PHKG2: variants seen among roughly 807,000 people sequenced by gnomAD.
The protein encoded by PHKG2 is phosphorylase kinase catalytic subunit gamma 2.
In PHKG2, 28 loss-of-function variants were observed where a neutral mutation model predicts 44.5. That is an observed-to-expected ratio of 0.63 (90% CI 0.47 to 0.86). PHKG2 has a LOEUF of 0.86. Ranked by LOEUF, PHKG2 falls within the 40% of genes least tolerant of loss-of-function variation. The probability of loss-of-function intolerance (pLI) is 0.00; values close to 1 mark genes in which losing one functional copy is unlikely to be tolerated. For synonymous variants in PHKG2, 220 were observed against 211.2 expected (o/e 1.04, Z -0.36); for missense variants, 498 against 547.5 (o/e 0.91, Z 0.90).
chr16:30,753,565 G>T lies in PHKG2; in HGVS notation c.556+8G>T, dbSNP rs762002537. ...CTGGCGAGAAGCTTCGAGGTGAGGG[G>T]ATCTAGTGCCCTAATAGGCTTGGGA... is the stretch of plus-strand genomic sequence containing the variant. On this transcript the variant is annotated splice_region_variant and intron_variant, in intron 6 of 9. Coordinates refer to ENST00000563588, the MANE Select transcript of PHKG2 (RefSeq NM_000294.3). 1 of 1,613,742 alleles carries T rather than the reference G, an allele frequency of 6.2e-7. No individual in the cohort carries two copies. The highest frequency in any genetic ancestry group is 1.3e-5 in the African/African-American group (1 of 75,034).
At position 30,760,617 on chromosome 16, in the gene PHKG2, A is replaced by G; in HGVS notation, c.*3520A>G. The G allele has an allele frequency of 1.9e-6, 3 of 1,557,672 alleles. No homozygotes were observed. The highest frequency in any genetic ancestry group is 2.4e-5 in the East Asian group (1 of 41,444). On this transcript the variant is annotated 3_prime_UTR_variant, in exon 10 of 10. Transcript: ENST00000563588. ...CCCTCAGTCCCTACTCCCTCATCTCAGCATTGGTGGTCTTCTCCAGCTGGT... is the reference window on the plus strand; with the variant it reads ...CCCTCAGTCCCTACTCCCTCATCTCGGCATTGGTGGTCTTCTCCAGCTGGT...
intron 6 of PHKG2, chr16:30,754,940 T>G: frequency 2.2e-6 from 1 of 454,594 alleles, no homozygotes; most frequent in Non-Finnish European, 4.4e-6. Context: ...AACTTGGCAT[T>G]CAAGAAATAC....
chr16:30,752,989 ATT>A, intron 4 of PHKG2: 1 of 573,314 alleles, frequency 1.7e-6, no homozygotes, highest in East Asian at 3.0e-5. Flanking sequence ...TATAAATTAT[ATT>A]GTCACAAGAA....
At position 30,757,662 on chromosome 16, in the gene PHKG2, G is replaced by C; in HGVS notation, c.*565G>C. 6.2e-7 allele frequency: 1 copy of C among 1,607,160 alleles called. No homozygotes were observed. The highest frequency in any genetic ancestry group is 8.5e-7 in the Non-Finnish European group (1 of 1,175,354). ...GGAGGACGTGGATGTGGCCTGCAGG[G>C]GCAGGGAAGAAGGGGCAGGGTGAGG... is the stretch of plus-strand genomic sequence containing the variant. On this transcript the variant is annotated 3_prime_UTR_variant, in exon 10 of 10. Coordinates refer to ENST00000563588, the MANE Select transcript of PHKG2 (RefSeq NM_000294.3).
Position 30,753,298 on chromosome 16 carries a change from G to C in PHKG2, c.392+1G>C. 6.2e-7 allele frequency: 1 copy of C among 1,614,038 alleles called. No individual in the cohort carries two copies. Among genetic ancestry groups the C allele is most frequent in the Non-Finnish European group, 8.5e-7 (1 of 1,179,954 alleles). ...TGGCCCTCTCTGAAAAGGAAACCAG[G>C]TAAGGGTTGAGCCTGAAGCCCCAGG... On this transcript the variant is annotated splice_donor_variant, in intron 5 of 9. Transcript: ENST00000563588. LOFTEE classifies it high-confidence loss of function.
chr16:30,761,141 T>G lies in PHKG2; in HGVS notation c.*4044T>G. 1 of 1,591,174 alleles carries G rather than the reference T, an allele frequency of 6.3e-7. No individual in the cohort carries two copies. The highest frequency in any genetic ancestry group is 8.6e-7 in the Non-Finnish European group (1 of 1,162,352). ...ATGCCCTGGCCACAGACAGGACTGTTGGGGAGACAATAAAGAACGCAAATA... is the reference window on the plus strand; with the variant it reads ...ATGCCCTGGCCACAGACAGGACTGTGGGGGAGACAATAAAGAACGCAAATA... On this transcript the variant is annotated 3_prime_UTR_variant, in exon 10 of 10. Transcript: ENST00000563588.
At position 30,756,722 on chromosome 16, in the gene PHKG2, C is replaced by T; in HGVS notation, c.927+7C>T. On this transcript the variant is annotated splice_region_variant and intron_variant, in intron 9 of 9. Transcript: ENST00000563588. ...CCCCCGCCAGCGGTTCCGGGTAAGC[C>T]TGAGTGTATCAGGGTCTGGGCCCGT... The T allele has an allele frequency of 1.2e-6, 2 of 1,614,116 alleles. No homozygotes were observed. Among genetic ancestry groups the T allele is most frequent in the Non-Finnish European group, 1.7e-6 (2 of 1,180,034 alleles).
Position 30,758,925 on chromosome 16 carries a change from A to G in PHKG2, c.*1828A>G, listed in dbSNP as rs957135050. ...AGAGAAAGGACTCTGACTAAAAACA[A>G]AAAGTCTGAAGTCCTGATGTCATCC... On this transcript the variant is annotated 3_prime_UTR_variant, in exon 10 of 10. Transcript: ENST00000563588. 3.3e-5 allele frequency: 51 copies of G among 1,546,892 alleles called. No individual in the cohort carries two copies. The South Asian group carries it at 4.4e-4, about 13-fold the overall frequency.
At chr16:30,754,510 C>T (rs767635672) in intron 6 of PHKG2, among the ~76,000 whole-genome samples, 16 of 152,148 alleles carry the variant, frequency 1.1e-4, no homozygotes, top group Non-Finnish European at 1.9e-4. Flanking sequence ...CTCTCCACAG[C>T]CCTGTGTGAC....
chr16:30,754,867 G>C (rs1205303471), intron 6 of PHKG2: 1 of 455,956 alleles, frequency 2.2e-6, no homozygotes, highest in East Asian at 6.9e-5. Context: ...TTTCTCACTT[G>C]CCTTCAGGTA....
intron 6 of PHKG2, 111 bp from the exon 7 acceptor site, chr16:30,756,071 A>G: frequency 1.2e-6 from 1 of 862,922 alleles, no homozygotes; most frequent in South Asian, 1.3e-5. Flanking sequence ...CAGAAGGAAG[A>G]TGGGAACACT....
At position 30,751,118 on chromosome 16, in the gene PHKG2, T is replaced by C. The variant is rs993666778; in HGVS notation, c.108T>C (p.Ser36=). 3.1e-6 allele frequency: 5 copies of C among 1,613,724 alleles called. No homozygotes were observed. In the South Asian group the frequency reaches 3.3e-5, roughly 11 times the overall value. ...CCGGCTCTTGCAGAGGAGTGAGCTC[T>C]GTGGTCCGCCGTTGTGTTCATCGAG... is the stretch of plus-strand genomic sequence containing the variant. ...PKDVIGRGVS[S]VVRRCVHRAT... is the part of the protein sequence containing the mutation. The change falls in exon 3 of 10, where the codon TCT becomes TCC. Residue 36 remains serine, a synonymous_variant. Coordinates refer to ENST00000563588, the MANE Select transcript of PHKG2 (RefSeq NM_000294.3).
rs1357913960 is a variant in PHKG2, at chr16:30,756,379, G to T, written c.660G>T (p.Gly220=). 1 of 1,613,954 alleles carries T rather than the reference G, an allele frequency of 6.2e-7. No individual in the cohort carries two copies. Among genetic ancestry groups the T allele is most frequent in the African/African-American group, 1.3e-5 (1 of 74,904 alleles). The change falls in exon 8 of 10, where the codon GGG becomes GGT. Residue 220 remains glycine (G), a synonymous_variant. Coordinates refer to ENST00000563588, the MANE Select transcript of PHKG2 (RefSeq NM_000294.3). ...GTCTCTTTCCCAGCTGGGCCTGTGG[G>T]GTGATCTTGTTCACACTCCTGGCTG... ...YGKEVDLWAC[G]VILFTLLAGS...
Position 30,757,675 on chromosome 16 carries a change from G to C in PHKG2, c.*578G>C. On this transcript the variant is annotated 3_prime_UTR_variant, in exon 10 of 10. Coordinates refer to ENST00000563588, the MANE Select transcript of PHKG2 (RefSeq NM_000294.3). Reference sequence around the variant, plus strand: ...GTGGCCTGCAGGGGCAGGGAAGAAGGGGCAGGGTGAGGAGAGATGCTGTCT... The same window carrying C: ...GTGGCCTGCAGGGGCAGGGAAGAAGCGGCAGGGTGAGGAGAGATGCTGTCT... 1 of 1,600,756 alleles carries C rather than the reference G, an allele frequency of 6.2e-7. No homozygotes were observed. The highest frequency in any genetic ancestry group is 8.5e-7 in the Non-Finnish European group (1 of 1,171,952).
In PHKG2 at chr16:30,759,298, G is replaced by A. The variant is rs1191544751; in HGVS notation, c.*2201G>A. On this transcript the variant is annotated 3_prime_UTR_variant, in exon 10 of 10. Coordinates refer to ENST00000563588, the MANE Select transcript of PHKG2 (RefSeq NM_000294.3). ...GAAAGGAGTGCACCTGTGCTGAGGGGAGGGGCGGTTGAGGGTGGCTCCTCA... is the reference window on the plus strand; with the variant it reads ...GAAAGGAGTGCACCTGTGCTGAGGGAAGGGGCGGTTGAGGGTGGCTCCTCA... 6.2e-7 allele frequency: 1 copy of A among 1,612,922 alleles called. No individual in the cohort carries two copies. The highest frequency in any genetic ancestry group is 8.5e-7 in the Non-Finnish European group (1 of 1,179,128).
chr16:30,756,043 G>C (rs1318563195), intron 6 of PHKG2, 139 bp from the exon 7 acceptor site: 1 of 789,096 alleles, frequency 1.3e-6, no homozygotes, highest in African/African-American at 1.7e-5. Context: ...CTCAGCAGGA[G>C]ACTTGGCAGA....
intron 3 of PHKG2, 87 bp from the exon 4 acceptor site, chr16:30,751,462 G>A (rs1047592427): frequency 2.2e-6 from 3 of 1,336,118 alleles, no homozygotes; most frequent in African/African-American, 2.9e-5. Context: ...GTAACAGCCC[G>A]CTGCTGTCCC....
At position 30,749,187 on chromosome 16, in the gene PHKG2, GTGGTGGTGC is replaced by G. The variant is rs1269936345; in HGVS notation, c.95+281_95+289del. Among the ~76,000 whole-genome samples the G allele has an allele frequency of 2.6e-4, 34 of 129,296 alleles. 4 individuals are homozygous for G. The South Asian group carries it at 5.4e-3, about 21-fold the overall frequency. 84.8% of individuals were successfully genotyped at this position (129,296 alleles called of 152,430 possible). A position where few individuals can be genotyped will look rare whatever the true frequency, so the allele number is the denominator to read the frequency against. ...GGTGGTGGTGCTGGTGGTGGTGCTG[GTGGTGGTGC>G]TGGTGGTGGTGTGTGTGTGTGTGTG... On this transcript the variant is annotated intron_variant, in intron 2 of 9. Transcript: ENST00000563588.
At chr16:30,753,588 G>C (rs758496261) in intron 6 of PHKG2, 31 bp downstream of exon 6, 3 of 1,608,930 alleles carry the variant, frequency 1.9e-6, no homozygotes, top group Non-Finnish European at 2.6e-6. Context: ...AATAGGCTTG[G>C]GAGGGGAGAC....
Sources: allele counts gnomAD v4.1 joint callset (sites outside exome capture counted in the v4.1 genomes callset), GRCh38; gene constraint gnomAD v4.1.1; transcripts MANE v1.5; gene names NCBI Gene and HGNC (gene_info 2026-07-23, HGNC 2026-07-21).